MLLT1: variants seen among roughly 807,000 people sequenced by gnomAD.
The protein encoded by MLLT1 is protein ENL.
A neutral mutation model predicts 55.1 loss-of-function variants in MLLT1; 11 were observed. The ratio of observed to expected loss-of-function variants is 0.20; its 90% CI spans 0.13 to 0.33. The LOEUF (loss-of-function observed/expected upper bound fraction) is 0.33. Among genes scored for constraint, MLLT1 ranks in the 10% least tolerant of loss-of-function variants. The pLI, the probability that MLLT1 is intolerant of heterozygous loss-of-function variation, is 1.00. For synonymous variants in MLLT1, 323 were observed against 320.1 expected (o/e 1.01, Z -0.10); for missense variants, 536 against 760.6 (o/e 0.70, Z 3.47).
At chr19:6,260,991 C>T (rs1600211840) in intron 3 of MLLT1, among the ~76,000 whole-genome samples, 1 of 152,218 alleles carries the variant, frequency 6.6e-6, no homozygotes, top group Non-Finnish European at 1.5e-5. Flanking sequence ...AGTGCCTGGG[C>T]TGTGGAGCAC....
chr19:6,216,018 G>A (rs2090839913), intron 8 of MLLT1, among the ~76,000 whole-genome samples: 1 of 152,138 alleles, frequency 6.6e-6, no homozygotes, highest in Non-Finnish European at 1.5e-5. Context: ...TGTAAGGCAG[G>A]TGGGAAAGGA....
intron 3 of MLLT1, among the ~76,000 whole-genome samples, chr19:6,261,063 C>T (rs1364610499): frequency 1.3e-5 from 2 of 152,194 alleles, no homozygotes; most frequent in East Asian, 3.9e-4. Flanking sequence ...TGTTCTCATT[C>T]CCCTTCCATA....
intron 5 of MLLT1, among the ~76,000 whole-genome samples, chr19:6,225,667 C>A (rs2090949571): frequency 1.3e-5 from 2 of 152,176 alleles, no homozygotes; most frequent in South Asian, 4.1e-4. Flanking sequence ...GCCCACAGGC[C>A]TCCTAAGCCT....
chr19:6,230,833 T>C lies in MLLT1; in HGVS notation c.277-120A>G. On this transcript the variant is annotated intron_variant, in intron 3 of 11. Coordinates refer to ENST00000252674, the MANE Select transcript of MLLT1 (RefSeq NM_005934.4). The surrounding 1 kb of genome is among the most constrained non-coding windows in gnomAD (Gnocchi z 9.0). ...TGGGCCTCTGTTCCCCTCCCTCCGA[T>C]TTGCGCCCACTTCTCTCTCAGGGCA... is the stretch of plus-strand genomic sequence containing the variant. 2.3e-6 allele frequency: 3 copies of C among 1,296,828 alleles called. No homozygotes were observed. The highest frequency in any genetic ancestry group is 3.2e-6 in the Non-Finnish European group (3 of 935,016). The allele number at this position is 1,296,828 out of a possible 1,614,324, so 80.3% of individuals were successfully genotyped here. A position where few individuals can be genotyped will look rare whatever the true frequency, so the allele number is the denominator to read the frequency against.
At chr19:6,257,843 T>C (rs1271052196) in intron 3 of MLLT1, among the ~76,000 whole-genome samples, 1 of 152,096 alleles carries the variant, frequency 6.6e-6, no homozygotes, top group Non-Finnish European at 1.5e-5. Flanking sequence ...TATCTAGACA[T>C]TTCTCGAGAA....
intron 8 of MLLT1, 28 bp from the exon 9 acceptor site, chr19:6,214,066 G>A: frequency 1.5e-6 from 2 of 1,350,292 alleles, no homozygotes; most frequent in Non-Finnish European, 9.7e-7. Flanking sequence ...GGCGCATCAG[G>A]CCCCTGCCGC....
chr19:6,221,336 C>T (rs571872068), intron 6 of MLLT1, among the ~76,000 whole-genome samples: 114 of 152,342 alleles, frequency 7.5e-4, no homozygotes, highest in African/African-American at 2.4e-3. Flanking sequence ...AAGACACCAC[C>T]GCCGTCCCAG....
chr19:6,252,287 G>A (rs1470898221), intron 3 of MLLT1, among the ~76,000 whole-genome samples: 1 of 152,158 alleles, frequency 6.6e-6, no homozygotes, highest in Non-Finnish European at 1.5e-5. Flanking sequence ...CTGCTGCGGA[G>A]GCGTCTGAGC....
At chr19:6,254,822 T>C (rs1164362229) in intron 3 of MLLT1, among the ~76,000 whole-genome samples, 1 of 152,160 alleles carries the variant, frequency 6.6e-6, no homozygotes, top group Admixed American at 6.5e-5. Flanking sequence ...CCCTCTCCAC[T>C]GCTATTCAAC....
At chr19:6,250,460 C>A (rs967004852) in intron 3 of MLLT1, among the ~76,000 whole-genome samples, 29 of 152,170 alleles carry the variant, frequency 1.9e-4, no homozygotes, top group African/African-American at 7.0e-4. Flanking sequence ...GGTTCCAGGA[C>A]ACCCTCTGGA....
In MLLT1 at chr19:6,230,838, G is replaced by A. The variant is rs533230950; in HGVS notation, c.277-125C>T. 5.8e-5 allele frequency: 72 copies of A among 1,240,288 alleles called. No individual in the cohort carries two copies. Among genetic ancestry groups the A allele is most frequent in the East Asian group, 3.5e-4 (15 of 42,488 alleles). 76.8% of individuals were successfully genotyped at this position (1,240,288 alleles called of 1,614,324 possible). The stretch of plus-strand genomic sequence containing the variant: ...CTCTGTTCCCCTCCCTCCGATTTGC[G>A]CCCACTTCTCTCTCAGGGCACCTCC... On this transcript the variant is annotated intron_variant, in intron 3 of 11. Coordinates refer to ENST00000252674, the MANE Select transcript of MLLT1 (RefSeq NM_005934.4). This position sits in a 1 kb window ranked among gnomAD's most constrained non-coding sequence, Gnocchi z 9.0.
chr19:6,210,783 G>C lies in MLLT1; in HGVS notation c.*2259C>G, dbSNP rs1281620023. On this transcript the variant is annotated 3_prime_UTR_variant, in exon 12 of 12. Coordinates refer to ENST00000252674, the MANE Select transcript of MLLT1 (RefSeq NM_005934.4). This position sits in a 1 kb window ranked among gnomAD's most constrained non-coding sequence, Gnocchi z 4.6. ...CGTGGGCCCAGCCGCCGGGCAGCTGGGGTGGGGTGGGAGAGCAGCTGGGGA... is the reference window on the plus strand; with the variant it reads ...CGTGGGCCCAGCCGCCGGGCAGCTGCGGTGGGGTGGGAGAGCAGCTGGGGA... 4.4e-6 allele frequency: 1 copy of C among 229,384 alleles called. No individual in the cohort carries two copies. Among genetic ancestry groups the C allele is most frequent in the Non-Finnish European group, 8.6e-6 (1 of 115,800 alleles). The allele number at this position is 229,384 out of a possible 1,614,324, so 14.2% of individuals were successfully genotyped here. A position where few individuals can be genotyped will look rare whatever the true frequency, so the allele number is the denominator to read the frequency against.
chr19:6,249,510 C>CA (rs1314450417), intron 3 of MLLT1, among the ~76,000 whole-genome samples: 1 of 152,164 alleles, frequency 6.6e-6, no homozygotes, highest in Non-Finnish European at 1.5e-5. Context: ...GGGGCAGCCC[C>CA]AGCATGTCCT....
chr19:6,213,186 A>C lies in MLLT1; in HGVS notation c.1552-16T>G, dbSNP rs1205129197. The C allele has an allele frequency of 6.2e-7, 1 of 1,613,490 alleles. No homozygotes were observed. The highest frequency in any genetic ancestry group is 8.5e-7 in the Non-Finnish European group (1 of 1,179,698). ...GATTCACAATCTGTAAGGTGGTGGCAGGTGGCTTCAGGGGCAGGGGGCCAA... is the reference window on the plus strand; with the variant it reads ...GATTCACAATCTGTAAGGTGGTGGCCGGTGGCTTCAGGGGCAGGGGGCCAA... On this transcript the variant is annotated splice_polypyrimidine_tract_variant and intron_variant, in intron 11 of 11. Transcript: ENST00000252674.
chr19:6,275,033 G>A (rs894511313), intron 1 of MLLT1, among the ~76,000 whole-genome samples: 2 of 152,212 alleles, frequency 1.3e-5, no homozygotes, highest in African/African-American at 4.8e-5. Flanking sequence ...AGCGGCCGCC[G>A]CCTGGCAAAG....
At chr19:6,261,698 C>G (rs552243769) in intron 3 of MLLT1, among the ~76,000 whole-genome samples, 1 of 152,140 alleles carries the variant, frequency 6.6e-6, no homozygotes, top group South Asian at 2.1e-4. Flanking sequence ...AGAAAACCCC[C>G]TGGACTCCCA....
chr19:6,269,145 C>A (rs1284202816), intron 2 of MLLT1, among the ~76,000 whole-genome samples: 1 of 152,210 alleles, frequency 6.6e-6, no homozygotes, highest in Non-Finnish European at 1.5e-5. Flanking sequence ...CAGCCACAGG[C>A]AACACCTATG....
At chr19:6,276,572 C>T (rs1325194722) in intron 1 of MLLT1, among the ~76,000 whole-genome samples, 1 of 152,192 alleles carries the variant, frequency 6.6e-6, no homozygotes, top group Non-Finnish European at 1.5e-5. Flanking sequence ...GCTCCCTAGG[C>T]AGCCCCAGTC....
In MLLT1 at chr19:6,253,718, A is replaced by G. The variant is rs183203103; in HGVS notation, c.276+8510T>C. Among the ~76,000 whole-genome samples, 6 of 152,338 alleles carry G rather than the reference A, an allele frequency of 3.9e-5. No individual in the cohort carries two copies. In the East Asian group the frequency reaches 1.2e-3, roughly 29 times the overall value. ...GTAATACAGCACATTAATAAAAGGA[A>G]GAAAAAATCTACATGATTTTCTCAT... On this transcript the variant is annotated intron_variant, in intron 3 of 11. Coordinates refer to ENST00000252674, the MANE Select transcript of MLLT1 (RefSeq NM_005934.4).
Sources: allele counts gnomAD v4.1 joint callset (sites outside exome capture counted in the v4.1 genomes callset), GRCh38; gene constraint gnomAD v4.1.1; non-coding constraint Gnocchi (gnomAD v3.1); transcripts MANE v1.5; gene names NCBI Gene and HGNC (gene_info 2026-07-23, HGNC 2026-07-21).